Variants in STARD13 observed in about 807,000 individuals in gnomAD.
STARD13 encodes the protein StAR related lipid transfer domain containing 13, also known as stAR-related lipid transfer protein 13.
STARD13 carries 62 observed loss-of-function variants against 106.4 expected under a neutral mutation model. The ratio of observed to expected loss-of-function variants is 0.58; its 90% CI spans 0.48 to 0.72. The LOEUF (loss-of-function observed/expected upper bound fraction) is 0.72, where lower values mean the gene tolerates loss of function less well. STARD13 is among the 30% of genes least tolerant of loss of function. The pLI, the probability that STARD13 is intolerant of heterozygous loss-of-function variation, is 0.00. For missense variants in STARD13, 1,387 were observed against 1,424.0 expected (o/e 0.97, Z 0.42); for synonymous variants, 565 against 553.0 (o/e 1.02, Z -0.31).
chr13:33,350,429 A>G (rs1566154477), exon 1 of STARD13: 2 of 1,526,638 alleles, frequency 1.3e-6, no homozygotes, highest in East Asian at 2.5e-5. Flanking sequence ...ATCCGTCCTC[A>G]TAACGACCGG....
intron 1 of STARD13, among the ~76,000 whole-genome samples, chr13:33,338,570 T>C (rs1363167460): frequency 1.3e-5 from 2 of 152,182 alleles, no homozygotes; most frequent in Non-Finnish European, 2.9e-5. Context: ...ATATTTAGCA[T>C]TTGATTTTTT....
chr13:33,311,801 A>G (rs1480156496), intron 1 of STARD13, among the ~76,000 whole-genome samples: 1 of 152,194 alleles, frequency 6.6e-6, no homozygotes, highest in Non-Finnish European at 1.5e-5. Flanking sequence ...GCCGTGAGAG[A>G]AGATGAGGCC....
At chr13:33,114,391 C>G (rs1188599384) in intron 8 of STARD13, among the ~76,000 whole-genome samples, 1 of 152,140 alleles carries the variant, frequency 6.6e-6, no homozygotes, top group East Asian at 1.9e-4. Flanking sequence ...CCCTGATTAG[C>G]AAATCCAAGT....
chr13:33,145,971 G>A (rs1042525579), intron 3 of STARD13, among the ~76,000 whole-genome samples: 2 of 152,126 alleles, frequency 1.3e-5, no homozygotes, highest in East Asian at 3.9e-4. Context: ...GATCGCTTGA[G>A]CCCAGGAGTT....
chr13:33,350,215 G>C, intron 1 of STARD13: 1 of 1,444,214 alleles, frequency 6.9e-7, no homozygotes, highest in Non-Finnish European at 9.0e-7. Context: ...GCAGAGGAGG[G>C]CGGCGGGCCC....
chr13:33,219,295 G>A (rs1888210987), intron 1 of STARD13, among the ~76,000 whole-genome samples: 1 of 151,856 alleles, frequency 6.6e-6, no homozygotes, highest in Admixed American at 6.6e-5. Flanking sequence ...TGATCCTGAG[G>A]GAACCCCTCT....
the STARD13 span, among the ~76,000 whole-genome samples, chr13:33,542,143 C>G: frequency 6.6e-6 from 1 of 152,132 alleles, no homozygotes; most frequent in Middle Eastern, 3.2e-3. Flanking sequence ...TTTTTGGTTC[C>G]ACACGAGTAG....
chr13:33,385,223 ATAT>A, the STARD13 span, among the ~76,000 whole-genome samples: 30 of 101,590 alleles, frequency 3.0e-4, no homozygotes, highest in African/African-American at 1.2e-3. Flanking sequence ...TTCGGAATAT[ATAT>A]ATATATATAT....
At chr13:33,150,272 T>C (rs1453524625) in intron 3 of STARD13, among the ~76,000 whole-genome samples, 1 of 152,252 alleles carries the variant, frequency 6.6e-6, no homozygotes, top group Non-Finnish European at 1.5e-5. Flanking sequence ...TATGACAGGC[T>C]ATGAGTTGCA....
the STARD13 span, among the ~76,000 whole-genome samples, chr13:33,673,112 G>A: frequency 6.6e-6 from 1 of 152,168 alleles, no homozygotes; most frequent in Non-Finnish European, 1.5e-5. Flanking sequence ...TTTATTCCAA[G>A]TGTTTTGTGC....
the STARD13 span, among the ~76,000 whole-genome samples, chr13:33,468,498 C>A: frequency 6.6e-6 from 1 of 152,132 alleles, no homozygotes; most frequent in African/African-American, 2.4e-5. Flanking sequence ...TGGATGAATG[C>A]CATTATCATG....
At chr13:33,313,527 A>G (rs1473947407) in intron 1 of STARD13, among the ~76,000 whole-genome samples, 2 of 152,108 alleles carry the variant, frequency 1.3e-5, no homozygotes, top group African/African-American at 4.8e-5. Flanking sequence ...CTAGATTTAA[A>G]CATTCTCTTG....
the STARD13 span, among the ~76,000 whole-genome samples, chr13:33,422,073 A>G: frequency 6.6e-6 from 1 of 152,170 alleles, no homozygotes; most frequent in Non-Finnish European, 1.5e-5. Flanking sequence ...CCTATTCAAC[A>G]CAGTGTTAAA....
chr13:33,202,793 T>C (rs1887136807), intron 1 of STARD13, among the ~76,000 whole-genome samples: 1 of 151,890 alleles, frequency 6.6e-6, no homozygotes, highest in African/African-American at 2.4e-5. Flanking sequence ...TGTGAAAACA[T>C]GGAGTGTAAT....
the STARD13 span, among the ~76,000 whole-genome samples, chr13:33,398,058 C>T: frequency 6.6e-6 from 1 of 152,118 alleles, no homozygotes; most frequent in Non-Finnish European, 1.5e-5. Flanking sequence ...ATATGTTGAC[C>T]AAATTGTATG....
intron 3 of STARD13, among the ~76,000 whole-genome samples, chr13:33,163,765 A>G (rs1421709009): frequency 6.9e-6 from 1 of 145,518 alleles, no homozygotes; most frequent in Non-Finnish European, 1.5e-5. Context: ...TATAACATAT[A>G]TATATGTTAT....
At chr13:33,275,151 A>G (rs1891359340) in intron 1 of STARD13, among the ~76,000 whole-genome samples, 1 of 152,214 alleles carries the variant, frequency 6.6e-6, no homozygotes. Flanking sequence ...GTCCACAGGA[A>G]ACCACAATTG....
intron 1 of STARD13, among the ~76,000 whole-genome samples, chr13:33,248,223 G>C (rs1372303368): frequency 6.6e-6 from 1 of 152,008 alleles, no homozygotes; most frequent in Non-Finnish European, 1.5e-5. Context: ...AACATAGTGA[G>C]ACCTCATTTC....
the STARD13 span, among the ~76,000 whole-genome samples, chr13:33,460,346 C>G: frequency 6.6e-6 from 1 of 151,548 alleles, no homozygotes; most frequent in Non-Finnish European, 1.5e-5. Context: ...AAAAAAATAG[C>G]TGGGTGTGGT....
Sources: allele counts gnomAD v4.1 joint callset (sites outside exome capture counted in the v4.1 genomes callset), GRCh38; gene constraint gnomAD v4.1.1; transcripts MANE v1.5; gene names NCBI Gene and HGNC (gene_info 2026-07-23, HGNC 2026-07-21).